Variants in STK24 observed in about 807,000 individuals in gnomAD.
The protein encoded by STK24 is serine/threonine kinase 24.
A neutral mutation model predicts 55.6 loss-of-function variants in STK24; 21 were observed. The ratio of observed to expected loss-of-function variants is 0.38; its 90% CI spans 0.27 to 0.54. STK24 has a LOEUF of 0.54. STK24 is among the 20% of genes least tolerant of loss of function. The probability of loss-of-function intolerance (pLI) is 0.79; values close to 1 mark genes in which losing one functional copy is unlikely to be tolerated. For missense variants in STK24, 383 were observed against 538.4 expected, an observed-to-expected ratio of 0.71 and a Z score of 2.86; for synonymous variants, 200 against 215.2, an observed-to-expected ratio of 0.93 and a Z score of 0.62.
At chr13:98,526,909 A>G (rs1385178198) in intron 1 of STK24, among the ~76,000 whole-genome samples, 1 of 152,214 alleles carries the variant, frequency 6.6e-6, no homozygotes, top group Non-Finnish European at 1.5e-5. Flanking sequence ...GCGCGTTTTC[A>G]TGAGACGCTT....
At chr13:98,468,745 A>T (rs1894019812) in intron 5 of STK24, among the ~76,000 whole-genome samples, 1 of 152,112 alleles carries the variant, frequency 6.6e-6, no homozygotes, top group Non-Finnish European at 1.5e-5. Context: ...AGTTATATGA[A>T]TTTTTTCTGG....
intron 1 of STK24, among the ~76,000 whole-genome samples, chr13:98,542,660 A>T (rs1896921178): frequency 1.3e-5 from 2 of 152,188 alleles, no homozygotes; most frequent in South Asian, 4.1e-4. Context: ...AGCTGAGCCT[A>T]ATAAATGCTC....
intron 1 of STK24, among the ~76,000 whole-genome samples, chr13:98,551,502 C>G (rs930118255): frequency 1.3e-5 from 2 of 150,366 alleles, no homozygotes; most frequent in African/African-American, 4.9e-5. Context: ...ATCTTTCTAT[C>G]ACGGCTTCTT....
chr13:98,513,060 C>T (rs1408127080), intron 2 of STK24, among the ~76,000 whole-genome samples: 1 of 152,242 alleles, frequency 6.6e-6, no homozygotes, highest in Non-Finnish European at 1.5e-5. Flanking sequence ...AAAAGCATCT[C>T]TGAGTTATCC....
rs116487670 is a variant in STK24, at chr13:98,563,511, C to A, written c.42+13234G>T. Reference sequence around the variant, plus strand: ...AACTCCTCTTCCTGATGTGGTCAATCCCCTAAGTCTGTATAATGTGCTGTT... The same window carrying A: ...AACTCCTCTTCCTGATGTGGTCAATACCCTAAGTCTGTATAATGTGCTGTT... On this transcript the variant is annotated intron_variant, in intron 1 of 10. Transcript: ENST00000539966. Among the ~76,000 whole-genome samples, 1,055 of 152,256 alleles carry A rather than the reference C, an allele frequency of 6.9e-3. 8 individuals carry two copies. Among genetic ancestry groups the A allele is most frequent in the African/African-American group, 0.023 (950 of 41,536 alleles).
intron 1 of STK24, among the ~76,000 whole-genome samples, chr13:98,541,585 A>G (rs1326245979): frequency 6.6e-6 from 1 of 152,234 alleles, no homozygotes. Flanking sequence ...TTCAAGAGAT[A>G]TTTCTTATTT....
chr13:98,556,769 A>G (rs1897299569), intron 1 of STK24, among the ~76,000 whole-genome samples: 3 of 152,198 alleles, frequency 2.0e-5, no homozygotes, highest in Non-Finnish European at 4.4e-5. Flanking sequence ...AAACAGCCTT[A>G]AATTCTGCTA....
chr13:98,497,448 T>G (rs572030975), intron 2 of STK24, among the ~76,000 whole-genome samples: 3 of 152,268 alleles, frequency 2.0e-5, no homozygotes, highest in African/African-American at 4.8e-5. Flanking sequence ...TCTGTTCCCT[T>G]GTTTTGCCTT....
At chr13:98,489,632 C>T (rs974822760) in intron 2 of STK24, among the ~76,000 whole-genome samples, 6 of 152,224 alleles carry the variant, frequency 3.9e-5, no homozygotes, top group Non-Finnish European at 8.8e-5. Context: ...GAAGGTCCGT[C>T]TAACCTCCAG....
chr13:98,532,530 T>C (rs1318577555), intron 1 of STK24, among the ~76,000 whole-genome samples: 1 of 151,820 alleles, frequency 6.6e-6, no homozygotes, highest in African/African-American at 2.4e-5. Context: ...ACACATCCCA[T>C]ACCCATTCTA....
chr13:98,559,883 T>C (rs1302958601), intron 1 of STK24, among the ~76,000 whole-genome samples: 1 of 149,604 alleles, frequency 6.7e-6, no homozygotes, highest in Non-Finnish European at 1.5e-5. Flanking sequence ...GGCATGCACC[T>C]GTAGTCCCTG....
At chr13:98,553,588 C>A in intron 1 of STK24, 1 of 159,558 alleles carries the variant, frequency 6.3e-6, no homozygotes. Context: ...ACATCCCGGC[C>A]TATCCGTGGG....
At chr13:98,496,012 C>T (rs1333345763) in intron 2 of STK24, among the ~76,000 whole-genome samples, 2 of 152,234 alleles carry the variant, frequency 1.3e-5, no homozygotes, top group African/African-American at 2.4e-5. Context: ...GAAGTTGCAG[C>T]TGTGCCAGAC....
At chr13:98,521,615 G>A (rs777749442) in intron 1 of STK24, among the ~76,000 whole-genome samples, 7 of 152,062 alleles carry the variant, frequency 4.6e-5, no homozygotes, top group Non-Finnish European at 7.4e-5. Context: ...CCCCCTACAC[G>A]CGGCCTTGAA....
intron 10 of STK24, chr13:98,455,406 A>G (rs1893408427): frequency 2.0e-5 from 1 of 49,888 alleles, no homozygotes; most frequent in Non-Finnish European, 6.6e-5. Context: ...ATGCCTAGCT[A>G]AATTTTTTTT....
rs56768700 is a variant in STK24, at chr13:98,535,398, TACACACACACACACACACACAC to T, written c.43-15947_43-15926del. On this transcript the variant is annotated intron_variant, in intron 1 of 10. Transcript: ENST00000539966. ...ATATATATATATATATATGTGTGTA[TACACACACACACACACACACAC>T]ACACACACACACACACGCAATGCAT... is the stretch of plus-strand genomic sequence containing the variant. 3.4e-3 allele frequency among the ~76,000 whole-genome samples: 480 copies of T among 142,798 alleles called. 1 individual carries two copies. The highest frequency in any genetic ancestry group is 7.0e-3 in the Middle Eastern group (2 of 286). The allele number at this position is 142,798 out of a possible 152,430, so 93.7% of individuals were successfully genotyped here.
chr13:98,538,710 A>T (rs1896802566), intron 1 of STK24, among the ~76,000 whole-genome samples: 1 of 152,010 alleles, frequency 6.6e-6, no homozygotes, highest in Admixed American at 6.6e-5. Flanking sequence ...ACCTGCCTAC[A>T]AAACCATGCC....
At position 98,449,588 on chromosome 13, in the gene STK24, CCT is replaced by C. The variant is rs1167361895; in HGVS notation, c.*3583_*3584del. The C allele has an allele frequency of 1.3e-5, 2 of 152,728 alleles. No individual in the cohort carries two copies. The highest frequency in any genetic ancestry group is 6.5e-5 in the Admixed American group (1 of 15,292). 9.5% of individuals were successfully genotyped at this position (152,728 alleles called of 1,614,324 possible). ...GCCCACCTGAGAACCAGGAACGCAC[CCT>C]CTCTGTGGAGCTCTGACTGGTGTAG... On this transcript the variant is annotated 3_prime_UTR_variant, in exon 11 of 11. Coordinates refer to ENST00000539966, the MANE Select transcript of STK24 (RefSeq NM_001032296.4).
chr13:98,536,831 C>T (rs759428225), intron 1 of STK24, among the ~76,000 whole-genome samples: 3 of 152,052 alleles, frequency 2.0e-5, no homozygotes, highest in Non-Finnish European at 4.4e-5. Context: ...CCACACTCCT[C>T]CGCCTGTCCT....
Sources: allele counts gnomAD v4.1 joint callset (sites outside exome capture counted in the v4.1 genomes callset), GRCh38; gene constraint gnomAD v4.1.1; transcripts MANE v1.5; gene names NCBI Gene and HGNC (gene_info 2026-07-23, HGNC 2026-07-21).